Variants in SYN2 observed in about 807,000 individuals in gnomAD.
The protein encoded by SYN2 is synapsin II, also known as synapsin-2.
Under a neutral mutation model 50.9 loss-of-function variants are expected in SYN2, and 19 were observed. The observed-to-expected ratio is 0.37, with a 90% CI of 0.26 to 0.55. The LOEUF is 0.55. Among genes scored for constraint, SYN2 ranks in the 20% least tolerant of loss-of-function variants. SYN2 has a pLI of 0.81. For synonymous variants in SYN2, 255 were observed against 224.9 expected, an observed-to-expected ratio of 1.13 and a Z score of -1.20; for missense variants, 587 against 576.4, an observed-to-expected ratio of 1.02 and a Z score of -0.19.
chr3:12,118,037 G>C (rs955863071), intron 1 of SYN2, among the ~76,000 whole-genome samples: 1 of 152,206 alleles, frequency 6.6e-6, no homozygotes, highest in East Asian at 1.9e-4. Flanking sequence ...AAAGGAAGAT[G>C]AGTGATGTTT....
rs1166066290 is a variant in SYN2, at chr3:12,070,709, G to A, written c.377+65781G>A. ...GCATTGTTAATGGACCCTGGAGATGGGGTCACTCATACAGTGCCCATCTAC... is the reference window on the plus strand; with the variant it reads ...GCATTGTTAATGGACCCTGGAGATGAGGTCACTCATACAGTGCCCATCTAC... On this transcript the variant is annotated intron_variant, in intron 1 of 12. Coordinates refer to ENST00000621198, the MANE Select transcript of SYN2 (RefSeq NM_133625.6). 7 of 1,009,936 alleles carry A rather than the reference G, an allele frequency of 6.9e-6. No individual in the cohort carries two copies. In the African/African-American group the frequency reaches 8.1e-5, roughly 12 times the overall value. 62.6% of individuals were successfully genotyped at this position (1,009,936 alleles called of 1,614,324 possible).
intron 1 of SYN2, among the ~76,000 whole-genome samples, chr3:12,107,267 C>G (rs1696212984): frequency 6.6e-6 from 1 of 152,182 alleles, no homozygotes; most frequent in Non-Finnish European, 1.5e-5. Flanking sequence ...CCAACAGTTG[C>G]TGCCAAGACA....
intron 1 of SYN2, among the ~76,000 whole-genome samples, chr3:12,042,838 C>T (rs1390574644): frequency 6.6e-6 from 1 of 152,042 alleles, no homozygotes; most frequent in African/African-American, 2.4e-5. Context: ...TGCAGCTAGG[C>T]AACTACAAGC....
At chr3:12,042,658 A>G (rs307578) in intron 1 of SYN2, among the ~76,000 whole-genome samples, 119,184 of 152,090 alleles carry the variant, frequency 0.78, 46,993 homozygotes, top group Middle Eastern at 0.89. Flanking sequence ...GTCCACCTCA[A>G]AATGTGACTT....
At chr3:12,173,654 G>A (rs1216394405) in intron 10 of SYN2, among the ~76,000 whole-genome samples, 1 of 152,132 alleles carries the variant, frequency 6.6e-6, no homozygotes, top group Non-Finnish European at 1.5e-5. Flanking sequence ...AGTGACTCAC[G>A]CCTGTAATCC....
At chr3:12,174,390 T>C (rs113350094) in intron 10 of SYN2, among the ~76,000 whole-genome samples, 3 of 152,180 alleles carry the variant, frequency 2.0e-5, no homozygotes, top group Non-Finnish European at 4.4e-5. Context: ...CTCTTTCCCT[T>C]GTACTATCCT....
In SYN2 at chr3:12,074,154, T is replaced by C. The variant is rs372769506; in HGVS notation, c.378-66497T>C. 2.0e-3 allele frequency among the ~76,000 whole-genome samples: 299 copies of C among 152,274 alleles called. 14 individuals carry two copies. In the South Asian group the frequency reaches 0.061, roughly 31 times the overall value. ...TAGTTCTGTTTTATCTATCATATAG[T>C]TTTGTCTAATTTTAGCCTGGTACAT... On this transcript the variant is annotated intron_variant, in intron 1 of 12. Coordinates refer to ENST00000621198, the MANE Select transcript of SYN2 (RefSeq NM_133625.6).
At chr3:12,176,347 T>C (rs1351454382) in intron 10 of SYN2, among the ~76,000 whole-genome samples, 1 of 152,224 alleles carries the variant, frequency 6.6e-6, no homozygotes, top group Non-Finnish European at 1.5e-5. Flanking sequence ...GGTTCCACTC[T>C]TTTTATTTTC....
chr3:12,049,038 GC>G (rs1694800586), intron 1 of SYN2, among the ~76,000 whole-genome samples: 3 of 152,180 alleles, frequency 2.0e-5, no homozygotes, highest in African/African-American at 7.2e-5. Context: ...GAAATTAGAA[GC>G]CCTTGAAGTT....
chr3:12,166,170 T>C (rs1014637778), intron 7 of SYN2, among the ~76,000 whole-genome samples: 1 of 152,196 alleles, frequency 6.6e-6, no homozygotes, highest in African/African-American at 2.4e-5. Context: ...TCTAGGTTCC[T>C]CAGTGTCTGA....
chr3:12,023,072 T>C (rs775494768), intron 1 of SYN2, among the ~76,000 whole-genome samples: 3 of 152,158 alleles, frequency 2.0e-5, no homozygotes, highest in Non-Finnish European at 4.4e-5. Flanking sequence ...TGGCAAGTAA[T>C]CTTAGTGTTT....
intron 10 of SYN2, among the ~76,000 whole-genome samples, chr3:12,181,767 G>C (rs180916120): frequency 1.3e-5 from 2 of 152,194 alleles, no homozygotes; most frequent in Non-Finnish European, 2.9e-5. Context: ...AATGATAAAG[G>C]CCTGACCAAA....
At chr3:12,059,244 G>A (rs1349054439) in intron 1 of SYN2, among the ~76,000 whole-genome samples, 1 of 152,188 alleles carries the variant, frequency 6.6e-6, no homozygotes, top group Non-Finnish European at 1.5e-5. Flanking sequence ...TTTCAGGAAA[G>A]CAGAAGTACA....
intron 1 of SYN2, among the ~76,000 whole-genome samples, chr3:12,102,583 T>A (rs1243055759): frequency 6.6e-6 from 1 of 152,188 alleles, no homozygotes; most frequent in East Asian, 1.9e-4. Context: ...TGTCATTTAT[T>A]CCTCATTTTT....
intron 1 of SYN2, among the ~76,000 whole-genome samples, chr3:12,023,563 G>A (rs1679458585): frequency 6.6e-6 from 1 of 152,136 alleles, no homozygotes; most frequent in Non-Finnish European, 1.5e-5. Context: ...TGAAGCAGTG[G>A]GACAAGATGA....
At chr3:12,007,989 ATTAT>A (rs765105984) in intron 1 of SYN2, among the ~76,000 whole-genome samples, 14 of 152,338 alleles carry the variant, frequency 9.2e-5, no homozygotes, top group Non-Finnish European at 1.8e-4. Context: ...TATATACCTT[ATTAT>A]TTATTATTAG....
At chr3:12,073,980 T>C (rs1695416924) in intron 1 of SYN2, among the ~76,000 whole-genome samples, 1 of 152,200 alleles carries the variant, frequency 6.6e-6, no homozygotes, top group Admixed American at 6.5e-5. Flanking sequence ...CAGTTTCTCC[T>C]TGTAAATCTG....
chr3:12,154,476 C>A, intron 5 of SYN2: 1 of 1,612,930 alleles, frequency 6.2e-7, no homozygotes, highest in South Asian at 1.1e-5. Context: ...GGAGGAGAGT[C>A]AAGCATCAGG....
chr3:12,130,513 G>T (rs569381754), intron 1 of SYN2, among the ~76,000 whole-genome samples: 3 of 152,278 alleles, frequency 2.0e-5, no homozygotes, highest in Non-Finnish European at 4.4e-5. Flanking sequence ...GACCTTCAGT[G>T]GGTTAAATGA....
Sources: gnomAD v4.1 joint callset for allele counts (sites outside exome capture counted in the v4.1 genomes callset) on GRCh38, gnomAD v4.1.1 for gene constraint, MANE v1.5 for transcripts, NCBI Gene and HGNC (gene_info 2026-07-23, HGNC 2026-07-21) for gene names.